The following MAP3K3 variants were observed in gnomAD, a reference collection of about 807,000 sequenced individuals.
The protein encoded by MAP3K3 is MAP/ERK kinase kinase 3.
A neutral mutation model predicts 80.9 loss-of-function variants in MAP3K3; 12 were observed. The observed-to-expected ratio is 0.15, with a 90% CI of 0.10 to 0.24. MAP3K3 has a LOEUF of 0.24. MAP3K3 is among the 10% of genes least tolerant of loss of function. The probability of loss-of-function intolerance (pLI) is 1.00; values close to 1 mark genes in which losing one functional copy is unlikely to be tolerated. For missense variants in MAP3K3, 596 were observed against 834.7 expected, an observed-to-expected ratio of 0.71 and a Z score of 3.52; for synonymous variants, 272 against 307.1, an observed-to-expected ratio of 0.89 and a Z score of 1.19.
chr17:63,669,371 A>T (rs2035058527), intron 6 of MAP3K3, among the ~76,000 whole-genome samples: 1 of 152,178 alleles, frequency 6.6e-6, no homozygotes, highest in East Asian at 1.9e-4. Context: ...GTGTTTTCTA[A>T]GGGACTCTCA....
rs975457665 is a variant in MAP3K3, at chr17:63,692,947, G to A, written c.1652+528G>A. 3.3e-5 allele frequency among the ~76,000 whole-genome samples: 5 copies of A among 152,198 alleles called. No homozygotes were observed. The highest frequency in any genetic ancestry group is 1.2e-4 in the African/African-American group (5 of 41,456). On this transcript the variant is annotated intron_variant, in intron 15 of 15. Transcript: ENST00000361733. The surrounding 1 kb of genome is among the most constrained non-coding windows in gnomAD (Gnocchi z 4.5). ...GCCTTTGCAGATAGGATTAGGTTAA[G>A]GGTTTTGAGATGGATGGATTATCCT...
intron 4 of MAP3K3, among the ~76,000 whole-genome samples, chr17:63,654,677 A>G (rs1189133992): frequency 6.6e-6 from 1 of 152,200 alleles, no homozygotes; most frequent in African/African-American, 2.4e-5. Context: ...CCCACTAGCA[A>G]CTTATGAGTG....
At chr17:63,629,248 A>G (rs2034168879) in intron 1 of MAP3K3, among the ~76,000 whole-genome samples, 1 of 151,708 alleles carries the variant, frequency 6.6e-6, no homozygotes, top group South Asian at 2.1e-4. Context: ...TCAGCCTCCC[A>G]AGTAGCTGGG....
intron 2 of MAP3K3, 119 bp downstream of exon 2, chr17:63,632,921 T>C (rs534856779): frequency 7.5e-7 from 1 of 1,332,404 alleles, no homozygotes; most frequent in African/African-American, 1.5e-5. Flanking sequence ...ACCCCTTCCT[T>C]TCACAGTCTG....
chr17:63,691,107 G>T lies in MAP3K3; in HGVS notation c.1218G>T (p.Val406=). The T allele has an allele frequency of 1.9e-6, 3 of 1,614,064 alleles. No homozygotes were observed. Among genetic ancestry groups the T allele is most frequent in the Non-Finnish European group, 2.5e-6 (3 of 1,180,000 alleles). The part of the protein sequence containing the change: ...DPDSPETSKE[V]SALECEIQLL... ...ACCACTGACCCCTCCCCTAGGAGGT[G>T]AGTGCTCTGGAGTGCGAGATCCAGT... The change falls in exon 13 of 16, where the codon GTG becomes GTT. Residue 406 remains valine, a synonymous_variant. Coordinates refer to ENST00000361733, the MANE Select transcript of MAP3K3 (RefSeq NM_002401.5). This position sits in a 1 kb window ranked among gnomAD's most constrained non-coding sequence, Gnocchi z 4.8.
chr17:63,645,627 A>G (rs1037153327), intron 2 of MAP3K3, among the ~76,000 whole-genome samples: 1 of 152,264 alleles, frequency 6.6e-6, no homozygotes, highest in African/African-American at 2.4e-5. Context: ...CTGTGGTCAT[A>G]TAGCTAGAAA....
At position 63,691,785 on chromosome 17, in the gene MAP3K3, C is replaced by T. The variant is rs1346123153; in HGVS notation, c.1397C>T (p.Thr466Ile). The T allele has an allele frequency of 6.2e-7, 1 of 1,614,100 alleles. No individual in the cohort carries two copies. Among genetic ancestry groups the T allele is most frequent in the Non-Finnish European group, 8.5e-7 (1 of 1,179,986 alleles). Reference protein sequence around the residue: ...KAYGALTESVTRKYTRQILEG... With the variant: ...KAYGALTESVIRKYTRQILEG... ...TACGGTGCTCTGACAGAGAGCGTGA[C>T]CCGAAAGTACACGCGGCAGATCCTG... The change falls in exon 14 of 16, where the codon ACC becomes ATC. Residue 466 changes from threonine (T) to isoleucine (I), a missense_variant. Coordinates refer to ENST00000361733, the MANE Select transcript of MAP3K3 (RefSeq NM_002401.5). The surrounding 1 kb of genome is among the most constrained non-coding windows in gnomAD (Gnocchi z 4.8).
At chr17:63,635,311 A>G (rs1415806559) in intron 2 of MAP3K3, among the ~76,000 whole-genome samples, 1 of 152,232 alleles carries the variant, frequency 6.6e-6, no homozygotes, top group Non-Finnish European at 1.5e-5. Context: ...TGATAAGCTA[A>G]TAATGGGAAT....
chr17:63,648,648 C>T, intron 3 of MAP3K3, among the ~76,000 whole-genome samples: 1 of 152,000 alleles, frequency 6.6e-6, no homozygotes, highest in East Asian at 1.9e-4. Flanking sequence ...AACCCCGTCT[C>T]TACTAAAAAT....
At position 63,652,667 on chromosome 17, in the gene MAP3K3, AGATG is replaced by A. The variant is rs2034681854; in HGVS notation, c.267+17_267+20del. On this transcript the variant is annotated intron_variant, in intron 4 of 15. Coordinates refer to ENST00000361733, the MANE Select transcript of MAP3K3 (RefSeq NM_002401.5). Reference sequence around the variant, plus strand: ...TACATGAACAATGAGGTGAGAAGGCAGATGGATGGGGCAGGGACAAGAGGGGCAG... The same window carrying A: ...TACATGAACAATGAGGTGAGAAGGCAGATGGGGCAGGGACAAGAGGGGCAG... The A allele has an allele frequency of 1.3e-6, 2 of 1,579,104 alleles. No individual in the cohort carries two copies. Among genetic ancestry groups the A allele is most frequent in the African/African-American group, 2.7e-5 (2 of 74,276 alleles).
rs569691466 is a variant in MAP3K3 at position 63,632,828 on chromosome 17, G to A, written c.126+26G>A. 1.4e-5 allele frequency: 23 copies of A among 1,613,098 alleles called. No homozygotes were observed. In the South Asian group the frequency reaches 2.5e-4, roughly 18 times the overall value. ...GTGTGTGTGACCCTGGCAGAGCTAAGTGAGATTTGTTGGGGAGGGGTTTTC... is the reference window on the plus strand; with the variant it reads ...GTGTGTGTGACCCTGGCAGAGCTAAATGAGATTTGTTGGGGAGGGGTTTTC... On this transcript the variant is annotated intron_variant, in intron 2 of 15. Transcript: ENST00000361733.
At chr17:63,626,274 G>A (rs1357279545) in intron 1 of MAP3K3, among the ~76,000 whole-genome samples, 2 of 152,220 alleles carry the variant, frequency 1.3e-5, no homozygotes, top group South Asian at 2.1e-4. Flanking sequence ...CCCTGTGCCT[G>A]TGTTATCCTG....
chr17:63,641,762 C>A (rs966034066), intron 2 of MAP3K3, among the ~76,000 whole-genome samples: 4 of 151,984 alleles, frequency 2.6e-5, no homozygotes, highest in Non-Finnish European at 5.9e-5. Flanking sequence ...TATTTAGAGG[C>A]CCACTGAGAA....
At chr17:63,660,411 C>A (rs1236334355) in intron 5 of MAP3K3, among the ~76,000 whole-genome samples, 1 of 151,420 alleles carries the variant, frequency 6.6e-6, no homozygotes, top group African/African-American at 2.4e-5. Flanking sequence ...CAGGGTCTTG[C>A]CATGTTGCCC....
chr17:63,649,483 A>G (rs1176337075), intron 3 of MAP3K3, among the ~76,000 whole-genome samples: 1 of 151,434 alleles, frequency 6.6e-6, no homozygotes, highest in Non-Finnish European at 1.5e-5. Flanking sequence ...GCTGGAGTAC[A>G]GTGGTGTGAT....
intron 3 of MAP3K3, among the ~76,000 whole-genome samples, chr17:63,649,017 A>G (rs1432689580): frequency 6.6e-6 from 1 of 152,254 alleles, no homozygotes; most frequent in Non-Finnish European, 1.5e-5. Flanking sequence ...GTTGCCCTGT[A>G]GAACTTTCTG....
chr17:63,622,684 C>T lies in MAP3K3; in HGVS notation c.-76C>T. ...CCAGGCCCGCTGCCGTCCCCGCCGC[C>T]CGGGCCCCCGGCATGCAGCCCCGGC... On this transcript the variant is annotated 5_prime_UTR_variant, in exon 1 of 16. Transcript: ENST00000361733. The T allele has an allele frequency of 2.5e-6, 1 of 407,096 alleles. No individual in the cohort carries two copies. Among genetic ancestry groups the T allele is most frequent in the Non-Finnish European group, 4.9e-6 (1 of 205,700 alleles). 25.2% of individuals were successfully genotyped at this position (407,096 alleles called of 1,614,324 possible).
At chr17:63,686,405 C>T (rs1186327277) in intron 8 of MAP3K3, among the ~76,000 whole-genome samples, 3 of 152,170 alleles carry the variant, frequency 2.0e-5, no homozygotes, top group African/African-American at 7.2e-5. Flanking sequence ...TACTTGGTTT[C>T]CAATGTGTAG....
chr17:63,676,113 G>T (rs2035214749), intron 6 of MAP3K3, among the ~76,000 whole-genome samples: 1 of 152,202 alleles, frequency 6.6e-6, no homozygotes, highest in Non-Finnish European at 1.5e-5. Context: ...TCCTGCTCCA[G>T]CCTGTGGGCC....
Sources: gnomAD v4.1 joint callset for allele counts (sites outside exome capture counted in the v4.1 genomes callset) on GRCh38, gnomAD v4.1.1 for gene constraint, Gnocchi (gnomAD v3.1) non-coding constraint, MANE v1.5 for transcripts, NCBI Gene and HGNC (gene_info 2026-07-23, HGNC 2026-07-21) for gene names.